The following ATP6V1C1 variants were observed in gnomAD, a reference collection of about 807,000 sequenced individuals.
ATP6V1C1 encodes V-type proton ATPase subunit C 1.
ATP6V1C1 carries 45 observed loss-of-function variants against 53.9 expected under a neutral mutation model. That is an observed-to-expected ratio of 0.83 (90% CI 0.66 to 1.07). ATP6V1C1 has a LOEUF of 1.07. ATP6V1C1 is among the 50% of genes least tolerant of loss of function. ATP6V1C1 has a pLI of 0.00. For synonymous variants in ATP6V1C1, 153 were observed against 155.2 expected (o/e 0.99, Z 0.11); for missense variants, 315 against 440.3 (o/e 0.72, Z 2.55).
Position 103,032,686 on chromosome 8 carries a change from T to C in ATP6V1C1, c.-39-8112T>C, listed in dbSNP as rs567487263. On this transcript the variant is annotated intron_variant, in intron 1 of 12. Coordinates refer to ENST00000518738, the MANE Select transcript of ATP6V1C1 (RefSeq NM_001695.5). ...AGAGACAGGGTTTCAGCATGTTGGC[T>C]AGACTGGTTTCGAACTCCTGGCCTC... Among the ~76,000 whole-genome samples, 720 of 152,106 alleles carry C rather than the reference T, an allele frequency of 4.7e-3. 3 individuals are homozygous for C. The highest frequency in any genetic ancestry group is 8.3e-3 in the Non-Finnish European group (567 of 67,964).
At chr8:103,060,770 G>C (rs555366887) in intron 8 of ATP6V1C1, among the ~76,000 whole-genome samples, 24 of 152,206 alleles carry the variant, frequency 1.6e-4, no homozygotes, top group African/African-American at 5.8e-4. Context: ...TATAAGATAA[G>C]ATGGAGGTTT....
rs1275888977 is a variant in ATP6V1C1, at chr8:103,069,449, A to C, written c.*702A>C. ...TTGAGCCAAATTTGGGTCAGAACAC[A>C]AATTTGAAGATGACTTTTCAGTATA... On this transcript the variant is annotated 3_prime_UTR_variant, in exon 13 of 13. Transcript: ENST00000518738. The C allele has an allele frequency of 2.0e-5, 3 of 152,228 alleles. No individual in the cohort carries two copies. The highest frequency in any genetic ancestry group is 4.8e-5 in the African/African-American group (2 of 41,464). 9.4% of individuals were successfully genotyped at this position (152,228 alleles called of 1,614,324 possible). A position where few individuals can be genotyped will look rare whatever the true frequency, so the allele number is the denominator to read the frequency against.
At chr8:103,041,026 CT>C (rs1416609893) in intron 2 of ATP6V1C1, 58 bp downstream of exon 2, 1 of 1,543,092 alleles carries the variant, frequency 6.5e-7, no homozygotes, top group East Asian at 2.4e-5. Context: ...AGGGCCAGTT[CT>C]CTCTTTTAGT....
At chr8:103,023,483 C>T (rs1445067655) in intron 1 of ATP6V1C1, among the ~76,000 whole-genome samples, 1 of 152,032 alleles carries the variant, frequency 6.6e-6, no homozygotes, top group African/African-American at 2.4e-5. Flanking sequence ...AAGAATGATT[C>T]GATTCTATTT....
At position 103,063,301 on chromosome 8, in the gene ATP6V1C1, A is replaced by G. The variant is rs554899203; in HGVS notation, c.828+73A>G. On this transcript the variant is annotated intron_variant, in intron 10 of 12. Transcript: ENST00000518738. ...AGTGGTATTGCTTTCCTTTGATTTA[A>G]AAGAAAGTAAAAATCTGCTTTGGTT... 141 of 999,026 alleles carry G rather than the reference A, an allele frequency of 1.4e-4. No homozygotes were observed. In the East Asian group the frequency reaches 3.6e-3, roughly 26 times the overall value. 61.9% of individuals were successfully genotyped at this position (999,026 alleles called of 1,614,324 possible). A position where few individuals can be genotyped will look rare whatever the true frequency, so the allele number is the denominator to read the frequency against.
intron 1 of ATP6V1C1, among the ~76,000 whole-genome samples, chr8:103,023,139 T>G (rs1411184130): frequency 6.6e-6 from 1 of 152,142 alleles, no homozygotes; most frequent in Non-Finnish European, 1.5e-5. Flanking sequence ...CTTTTCAGCC[T>G]TTTTGAAAGG....
At chr8:103,040,670 T>G in intron 1 of ATP6V1C1, 128 bp from the exon 2 acceptor site, 428 of 744,802 alleles carry the variant, frequency 5.7e-4, no homozygotes, top group Non-Finnish European at 7.1e-4. Flanking sequence ...TCACTTTGCT[T>G]GAGATCCTAT....
chr8:103,058,174 G>A (rs1817323985), intron 8 of ATP6V1C1, among the ~76,000 whole-genome samples: 1 of 152,202 alleles, frequency 6.6e-6, no homozygotes, highest in Non-Finnish European at 1.5e-5. Flanking sequence ...AGTCACTTTA[G>A]TAGTTTAAAG....
chr8:103,027,098 A>C (rs997102187), intron 1 of ATP6V1C1, among the ~76,000 whole-genome samples: 1 of 152,206 alleles, frequency 6.6e-6, no homozygotes, highest in African/African-American at 2.4e-5. Flanking sequence ...GGATTGTGGT[A>C]AATGTTTCGC....
intron 1 of ATP6V1C1, among the ~76,000 whole-genome samples, chr8:103,028,577 G>T (rs971421664): frequency 5.3e-5 from 8 of 152,124 alleles, no homozygotes; most frequent in African/African-American, 1.9e-4. Flanking sequence ...AAGAATCCTG[G>T]GCCTCACCTA....
chr8:103,049,031 G>C, intron 4 of ATP6V1C1, 76 bp downstream of exon 4: 1 of 1,378,382 alleles, frequency 7.3e-7, no homozygotes, highest in Non-Finnish European at 1.0e-6. Flanking sequence ...AAAAAGTAAT[G>C]TAAAAAAGTC....
intron 11 of ATP6V1C1, among the ~76,000 whole-genome samples, chr8:103,065,057 G>T (rs1302772093): frequency 6.6e-6 from 1 of 152,146 alleles, no homozygotes; most frequent in Non-Finnish European, 1.5e-5. Flanking sequence ...TCTTGTGTAG[G>T]TACTTAAAAG....
At chr8:103,067,928 T>C (rs1026994496) in intron 12 of ATP6V1C1, among the ~76,000 whole-genome samples, 8 of 152,126 alleles carry the variant, frequency 5.3e-5, no homozygotes, top group African/African-American at 1.9e-4. Context: ...AAATGAGAGG[T>C]ATAATTATTT....
intron 1 of ATP6V1C1, among the ~76,000 whole-genome samples, chr8:103,028,749 A>G (rs998618585): frequency 6.6e-6 from 1 of 152,204 alleles, no homozygotes; most frequent in East Asian, 1.9e-4. Flanking sequence ...TGGCGATTAC[A>G]TTGTGCTTCC....
At chr8:103,063,463 A>C (rs1817438549) in intron 10 of ATP6V1C1, among the ~76,000 whole-genome samples, 1 of 152,170 alleles carries the variant, frequency 6.6e-6, no homozygotes, top group Non-Finnish European at 1.5e-5. Flanking sequence ...CTGAGATAGA[A>C]TAGAGTAGAT....
At chr8:103,028,557 A>C (rs1334077309) in intron 1 of ATP6V1C1, among the ~76,000 whole-genome samples, 2 of 152,204 alleles carry the variant, frequency 1.3e-5, no homozygotes, top group African/African-American at 2.4e-5. Context: ...AGGGACTTAA[A>C]ATAGGAAAAA....
intron 2 of ATP6V1C1, 87 bp from the exon 3 acceptor site, chr8:103,042,253 T>C: frequency 7.8e-7 from 1 of 1,289,482 alleles, no homozygotes; most frequent in East Asian, 2.3e-5. Context: ...ATTTAAGATT[T>C]GTGAGAACTT....
Position 103,040,747 on chromosome 8 carries a change from T to C in ATP6V1C1, c.-39-51T>C, listed in dbSNP as rs144988313. 30 of 1,479,104 alleles carry C rather than the reference T, an allele frequency of 2.0e-5. No individual in the cohort carries two copies. The South Asian group carries it at 2.6e-4, about 13-fold the overall frequency. 91.6% of individuals were successfully genotyped at this position (1,479,104 alleles called of 1,614,324 possible). A position where few individuals can be genotyped will look rare whatever the true frequency, so the allele number is the denominator to read the frequency against. On this transcript the variant is annotated intron_variant, in intron 1 of 12. Coordinates refer to ENST00000518738, the MANE Select transcript of ATP6V1C1 (RefSeq NM_001695.5). ...CTTCTCCTATGATTCTGAAACACTTTAGAAACAAATGATTTTAAATGTGAT... is the reference window on the plus strand; with the variant it reads ...CTTCTCCTATGATTCTGAAACACTTCAGAAACAAATGATTTTAAATGTGAT...
chr8:103,046,031 A>G (rs1454831962), intron 3 of ATP6V1C1, among the ~76,000 whole-genome samples: 4 of 151,602 alleles, frequency 2.6e-5, no homozygotes, highest in African/African-American at 7.3e-5. Context: ...CATCTACCTC[A>G]TTACAGTTAC....
Sources: allele counts gnomAD v4.1 joint callset (sites outside exome capture counted in the v4.1 genomes callset), GRCh38; gene constraint gnomAD v4.1.1; transcripts MANE v1.5; gene names NCBI Gene and HGNC (gene_info 2026-07-23, HGNC 2026-07-21).